The following MOB1B variants were observed in gnomAD, a reference collection of about 807,000 sequenced individuals.
MOB1B encodes MOB kinase activator 1B.
A neutral mutation model predicts 24.4 loss-of-function variants in MOB1B; 19 were observed. That is an observed-to-expected ratio of 0.78 (90% CI 0.54 to 1.14). The LOEUF (loss-of-function observed/expected upper bound fraction) is 1.14, where lower values mean the gene tolerates loss of function less well. Ranked by LOEUF, MOB1B falls within the 50% of genes most tolerant of loss-of-function variation. The pLI is 0.00. For missense variants in MOB1B, 243 were observed against 259.6 expected, an observed-to-expected ratio of 0.94 and a Z score of 0.44; for synonymous variants, 76 against 82.1, an observed-to-expected ratio of 0.93 and a Z score of 0.40.
At chr4:70,947,081 G>A (rs1445507111) in intron 1 of MOB1B, among the ~76,000 whole-genome samples, 9 of 152,256 alleles carry the variant, frequency 5.9e-5, no homozygotes, top group African/African-American at 1.9e-4. Flanking sequence ...ACTTAGGGAA[G>A]TTCTTAGCCA....
intron 1 of MOB1B, among the ~76,000 whole-genome samples, chr4:70,944,314 C>T (rs767541077): frequency 6.6e-6 from 1 of 152,314 alleles, no homozygotes; most frequent in African/African-American, 2.4e-5. Context: ...GGTTTATAGG[C>T]GTGAGCCGCT....
rs111337765 is a variant in MOB1B, at chr4:70,945,719, A to C, written c.15-13155A>C. ...TAGAAACATTTCTTATTTTTGAGAAACTCATGGTGCTGTGTAAAATAAACA... is the reference window on the plus strand; with the variant it reads ...TAGAAACATTTCTTATTTTTGAGAACCTCATGGTGCTGTGTAAAATAAACA... On this transcript the variant is annotated intron_variant, in intron 1 of 5. Transcript: ENST00000309395. Among the ~76,000 whole-genome samples, 991 of 152,122 alleles carry C rather than the reference A, an allele frequency of 6.5e-3. 9 individuals are homozygous for C. Among genetic ancestry groups the C allele is most frequent in the African/African-American group, 0.023 (958 of 41,514 alleles).
intron 3 of MOB1B, among the ~76,000 whole-genome samples, chr4:70,974,503 A>C (rs1266105834): frequency 6.6e-6 from 1 of 151,688 alleles, no homozygotes. Flanking sequence ...CTTTCATTTT[A>C]GTGTTTCTTG....
rs182384301 is a variant in MOB1B, at chr4:70,912,343, G to A, written c.14+9793G>A. ...CTCCCAGGCTGGAGTGCAGTGGTGC[G>A]ATCTCTGCTCACTGCATTCTCTGCC... On this transcript the variant is annotated intron_variant, in intron 1 of 5. Transcript: ENST00000309395. Among the ~76,000 whole-genome samples the A allele has an allele frequency of 1.6e-3, 246 of 149,334 alleles. 1 individual carries two copies. The highest frequency in any genetic ancestry group is 4.8e-3 in the African/African-American group (194 of 40,512).
chr4:70,946,123 G>A (rs1737572066), intron 1 of MOB1B, among the ~76,000 whole-genome samples: 1 of 146,156 alleles, frequency 6.8e-6, no homozygotes, highest in Middle Eastern at 3.2e-3. Context: ...AGTTTAAGTA[G>A]GGCAGGACTA....
intron 2 of MOB1B, among the ~76,000 whole-genome samples, chr4:70,963,341 CAG>C: frequency 6.6e-6 from 1 of 151,020 alleles, no homozygotes; most frequent in Non-Finnish European, 1.5e-5. Flanking sequence ...GCCTGAGCGA[CAG>C]AGTGAGACCC....
upstream of MOB1B, chr4:70,902,250 G>A (rs1735535851): frequency 5.4e-6 from 3 of 560,002 alleles, no homozygotes; most frequent in South Asian, 6.1e-5. Context: ...AGCTCGTGAG[G>A]TGGGGGCGGC....
intron 1 of MOB1B, among the ~76,000 whole-genome samples, chr4:70,951,767 C>T (rs954667703): frequency 7.2e-5 from 11 of 152,114 alleles, no homozygotes; most frequent in Non-Finnish European, 1.6e-4. Context: ...GGTGTGGTGG[C>T]GTAGTCACAG....
intron 1 of MOB1B, among the ~76,000 whole-genome samples, chr4:70,955,394 T>C (rs567030266): frequency 6.6e-6 from 1 of 152,298 alleles, no homozygotes; most frequent in South Asian, 2.1e-4. Context: ...AGGAGACCTC[T>C]TTTCCTAATT....
In MOB1B at chr4:70,965,533, C is replaced by CA. The variant is rs1433469531; in HGVS notation, c.182-4397dup. 5.3e-5 allele frequency among the ~76,000 whole-genome samples: 8 copies of CA among 151,510 alleles called. No homozygotes were observed. The East Asian group carries it at 7.7e-4, about 15-fold the overall frequency. On this transcript the variant is annotated intron_variant, in intron 2 of 5. Coordinates refer to ENST00000309395, the MANE Select transcript of MOB1B (RefSeq NM_173468.4). The stretch of plus-strand genomic sequence containing the variant: ...GTAAGAGAGGCCGGGCGCGGTGGCT[C>CA]ACGCCTGTAATCCCAGCACTTTCGG...
chr4:70,918,657 G>A (rs1736295622), intron 1 of MOB1B, among the ~76,000 whole-genome samples: 1 of 152,110 alleles, frequency 6.6e-6, no homozygotes, highest in Non-Finnish European at 1.5e-5. Context: ...TCACTCTGAT[G>A]GTAGTTTTCT....
At chr4:70,958,734 T>C in intron 1 of MOB1B, 140 bp from the exon 2 acceptor site, 1 of 908,822 alleles carries the variant, frequency 1.1e-6, no homozygotes, top group Middle Eastern at 2.1e-4. Flanking sequence ...GTAGGAGTTT[T>C]GGATGGAGAG....
chr4:70,918,678 A>C, intron 1 of MOB1B, among the ~76,000 whole-genome samples: 1 of 152,156 alleles, frequency 6.6e-6, no homozygotes, highest in Admixed American at 6.5e-5. Flanking sequence ...TTTGCTGTGC[A>C]GAAGCTCTTT....
At chr4:70,928,453 G>A (rs962450736) in intron 1 of MOB1B, among the ~76,000 whole-genome samples, 4 of 151,844 alleles carry the variant, frequency 2.6e-5, no homozygotes, top group Non-Finnish European at 4.4e-5. Flanking sequence ...GTGCCACCAT[G>A]CCCGGCTAAT....
intron 5 of MOB1B, 88 bp from the exon 6 acceptor site, chr4:70,981,892 C>T: frequency 1.1e-6 from 1 of 886,380 alleles, no homozygotes; most frequent in Non-Finnish European, 1.8e-6. Context: ...AAGCTAATTT[C>T]CAACAAATGT....
intron 1 of MOB1B, among the ~76,000 whole-genome samples, chr4:70,947,334 A>G (rs946924579): frequency 6.6e-6 from 1 of 152,072 alleles, no homozygotes; most frequent in Non-Finnish European, 1.5e-5. Context: ...CAGTTGCATG[A>G]TCACAGCCTA....
intron 1 of MOB1B, among the ~76,000 whole-genome samples, chr4:70,915,894 T>G (rs1736174444): frequency 1.3e-5 from 2 of 150,932 alleles, no homozygotes; most frequent in Admixed American, 6.6e-5. Flanking sequence ...GAACCTTTGT[T>G]GCCTGATCAT....
intron 5 of MOB1B, among the ~76,000 whole-genome samples, chr4:70,980,335 A>G (rs1023364885): frequency 6.6e-6 from 1 of 152,236 alleles, no homozygotes; most frequent in Non-Finnish European, 1.5e-5. Flanking sequence ...TAGGCAGAAC[A>G]TGATTGCTAA....
At chr4:70,971,155 C>T (rs930931490) in intron 3 of MOB1B, among the ~76,000 whole-genome samples, 1 of 152,214 alleles carries the variant, frequency 6.6e-6, no homozygotes, top group Admixed American at 6.5e-5. Flanking sequence ...TGAACTGTCA[C>T]ACTCCCCACC....
Sources: gnomAD v4.1 joint callset for allele counts (sites outside exome capture counted in the v4.1 genomes callset) on GRCh38, gnomAD v4.1.1 for gene constraint, MANE v1.5 for transcripts, NCBI Gene and HGNC (gene_info 2026-07-23, HGNC 2026-07-21) for gene names.